Variants in ADGRV1 observed in about 807,000 individuals in gnomAD.
ADGRV1 encodes the protein G-protein coupled receptor 98.
In ADGRV1, 359 loss-of-function variants were observed where a neutral mutation model predicts 596.2. The observed-to-expected ratio is 0.60, with a 90% confidence interval of 0.55 to 0.66. ADGRV1 has a LOEUF of 0.66. Ranked by LOEUF, ADGRV1 falls within the 30% of genes least tolerant of loss-of-function variation. The pLI, the probability that ADGRV1 is intolerant of heterozygous loss-of-function variation, is 0.00. For missense variants in ADGRV1, 7,274 were observed against 7,575.6 expected (o/e 0.96, Z 1.48); for synonymous variants, 2,681 against 2,679.2 (o/e 1.00, Z -0.02).
At chr5:90,715,877 A>G (rs1021433785) in intron 42 of ADGRV1, among the ~76,000 whole-genome samples, 2 of 152,268 alleles carry the variant, frequency 1.3e-5, no homozygotes, top group African/African-American at 4.8e-5. Context: ...GAGTTAATAT[A>G]GGTTAAGCAA....
chr5:90,993,198 G>A (rs1160418381), intron 85 of ADGRV1, among the ~76,000 whole-genome samples: 9 of 126,108 alleles, frequency 7.1e-5, no homozygotes, highest in African/African-American at 2.8e-4. Context: ...TTGCTCTGTC[G>A]CCCAGGCTGG....
At chr5:90,831,581 T>A (rs1054968718) in intron 77 of ADGRV1, among the ~76,000 whole-genome samples, 3 of 152,148 alleles carry the variant, frequency 2.0e-5, no homozygotes, top group Non-Finnish European at 4.4e-5. Flanking sequence ...TCAATTATAC[T>A]TTTTTAGTTA....
intron 62 of ADGRV1, 31 bp from the exon 63 acceptor site, chr5:90,778,396 C>A (rs1372238121): frequency 1.3e-6 from 2 of 1,589,518 alleles, no homozygotes; most frequent in Admixed American, 1.7e-5. Flanking sequence ...TCCACAGATT[C>A]TACTGTTGAT....
intron 1 of ADGRV1, among the ~76,000 whole-genome samples, chr5:90,607,609 T>A (rs933665607): frequency 6.6e-6 from 1 of 152,176 alleles, no homozygotes; most frequent in African/African-American, 2.4e-5. Flanking sequence ...GGTGGGAGAA[T>A]GGAAGATTCT....
chr5:90,619,473 A>AC (rs1763769606), intron 4 of ADGRV1, among the ~76,000 whole-genome samples: 1 of 151,774 alleles, frequency 6.6e-6, no homozygotes, highest in South Asian at 2.1e-4. Flanking sequence ...CAGATATACC[A>AC]CCCATTGCCT....
At chr5:90,805,822 TG>T (rs1313293593) in intron 72 of ADGRV1, among the ~76,000 whole-genome samples, 1 of 152,248 alleles carries the variant, frequency 6.6e-6, no homozygotes, top group Non-Finnish European at 1.5e-5. Context: ...TGACTATTTC[TG>T]GCAGTAGGGC....
intron 85 of ADGRV1, among the ~76,000 whole-genome samples, chr5:91,060,944 G>T (rs551426276): frequency 5.4e-4 from 82 of 152,302 alleles, no homozygotes; most frequent in African/African-American, 1.9e-3. Context: ...AACCATTGCT[G>T]TGAGGATTTT....
intron 50 of ADGRV1, among the ~76,000 whole-genome samples, chr5:90,738,288 G>A (rs1753509375): frequency 6.6e-6 from 1 of 151,866 alleles, no homozygotes; most frequent in African/African-American, 2.4e-5. Flanking sequence ...GTTTATTATA[G>A]CTACAGTTAT....
chr5:91,143,125 G>A (rs557572137), intron 87 of ADGRV1, among the ~76,000 whole-genome samples: 1 of 152,192 alleles, frequency 6.6e-6, no homozygotes, highest in Non-Finnish European at 1.5e-5. Context: ...TAGGCATCCC[G>A]CAAGTAGCTT....
intron 85 of ADGRV1, among the ~76,000 whole-genome samples, chr5:91,010,683 T>A (rs572211258): frequency 6.6e-6 from 1 of 152,160 alleles, no homozygotes; most frequent in Non-Finnish European, 1.5e-5. Flanking sequence ...AGTGGAAACC[T>A]TCTGTAAATT....
rs2149550132 is a variant in ADGRV1 at position 90,675,460 on chromosome 5, C to T, written c.5313+15C>T. On this transcript the variant is annotated intron_variant, in intron 24 of 89. Transcript: ENST00000405460. ...AGGATTACCAGGTAATTTACTCAGT[C>T]CTTTTGAAGTTGTATTTGCACTTGT... The T allele has an allele frequency of 6.2e-7, 1 of 1,603,770 alleles. No individual in the cohort carries two copies. The highest frequency in any genetic ancestry group is 2.2e-5 in the East Asian group (1 of 44,744).
At chr5:90,721,364 C>A (rs529083154) in intron 45 of ADGRV1, among the ~76,000 whole-genome samples, 1 of 151,518 alleles carries the variant, frequency 6.6e-6, no homozygotes, top group Non-Finnish European at 1.5e-5. Flanking sequence ...ATTAGCCGGG[C>A]GTAGTGGCAG....
At position 90,704,481 on chromosome 5, in the gene ADGRV1, G is replaced by A; in HGVS notation, c.8379G>A (p.Arg2793=). The A allele has an allele frequency of 1.9e-6, 3 of 1,538,920 alleles. No homozygotes were observed. The highest frequency in any genetic ancestry group is 2.5e-5 in the South Asian group (2 of 81,262). ...ACCAAGTCATTCTGTATGATGTCAG[G>A]ACACAAGGTAATTCAGAATTTAATT... ...EVYQVILYDV[R]TQGVPPAGIA... Residue 2793 remains arginine (R), a synonymous_variant, in exon 36 of 90, where the codon AGG becomes AGA. Coordinates refer to ENST00000405460, the MANE Select transcript of ADGRV1 (RefSeq NM_032119.4).
At chr5:90,951,956 G>A (rs1777096552) in intron 83 of ADGRV1, among the ~76,000 whole-genome samples, 1 of 152,104 alleles carries the variant, frequency 6.6e-6, no homozygotes, top group Non-Finnish European at 1.5e-5. Flanking sequence ...ATACTGTCAT[G>A]CAAATCAGTG....
At chr5:90,644,944 A>C in intron 15 of ADGRV1, 75 bp downstream of exon 15, 2 of 1,026,942 alleles carry the variant, frequency 1.9e-6, no homozygotes, top group African/African-American at 1.7e-5. Context: ...ATAATTAAAC[A>C]TCTGGTAATA....
chr5:90,758,759 T>A (rs893028427), intron 57 of ADGRV1, among the ~76,000 whole-genome samples: 7 of 152,216 alleles, frequency 4.6e-5, no homozygotes, highest in Non-Finnish European at 8.8e-5. Flanking sequence ...ATAGTGAAAC[T>A]GCAAGCTGGA....
intron 1 of ADGRV1, among the ~76,000 whole-genome samples, chr5:90,599,704 A>C (rs1365095100): frequency 6.6e-6 from 1 of 152,192 alleles, no homozygotes; most frequent in Non-Finnish European, 1.5e-5. Context: ...GCATATCGAC[A>C]AAACATCGTA....
chr5:90,740,613 C>T (rs913296687), intron 50 of ADGRV1, among the ~76,000 whole-genome samples: 16 of 152,144 alleles, frequency 1.1e-4, no homozygotes, highest in East Asian at 1.9e-4. Flanking sequence ...GGCCACAAGG[C>T]AGAGCCGCCA....
At chr5:90,655,871 TAC>T (rs1769333018) in intron 20 of ADGRV1, 1 of 152,232 alleles carries the variant, frequency 6.6e-6, no homozygotes, top group East Asian at 1.9e-4. Context: ...AAGAATCATT[TAC>T]AGTCATTCAG....
Sources: allele counts gnomAD v4.1 joint callset (sites outside exome capture counted in the v4.1 genomes callset), GRCh38; gene constraint gnomAD v4.1.1; transcripts MANE v1.5; gene names NCBI Gene and HGNC (gene_info 2026-07-23, HGNC 2026-07-21).